Variants in CACNA1C observed in about 807,000 individuals in gnomAD.
The protein encoded by CACNA1C is voltage-dependent L-type calcium channel subunit alpha-1C.
Under a neutral mutation model 229.0 loss-of-function variants are expected in CACNA1C, and 30 were observed. The observed-to-expected ratio is 0.13, with a 90% CI of 0.10 to 0.18. CACNA1C has a LOEUF of 0.18. CACNA1C is among the 10% of genes least tolerant of loss of function. CACNA1C has a pLI of 1.00. For synonymous variants in CACNA1C, 1,114 were observed against 1,132.5 expected (o/e 0.98, Z 0.33); for missense variants, 1,658 against 2,845.0 (o/e 0.58, Z 9.49).
intron 7 of CACNA1C, among the ~76,000 whole-genome samples, chr12:2,495,858 C>T (rs1231355627): frequency 1.3e-5 from 2 of 152,244 alleles, no homozygotes; most frequent in African/African-American, 4.8e-5. Context: ...ACACCTAAAA[C>T]TGAAACTTGG....
intron 5 of CACNA1C, among the ~76,000 whole-genome samples, chr12:2,469,476 G>A (rs554734145): frequency 6.6e-6 from 1 of 152,346 alleles, no homozygotes; most frequent in Non-Finnish European, 1.5e-5. Flanking sequence ...CAGAGAAGAG[G>A]AGAGTAACGT....
At chr12:2,204,445 A>G (rs946024291) in intron 3 of CACNA1C, among the ~76,000 whole-genome samples, 8 of 151,650 alleles carry the variant, frequency 5.3e-5, no homozygotes, top group Admixed American at 3.9e-4. Context: ...ATTACTGGAT[A>G]TATACCCAAA....
In CACNA1C at chr12:2,213,247, G is replaced by A. The variant is rs545116433; in HGVS notation, c.477+92817G>A. On this transcript the variant is annotated intron_variant, in intron 3 of 46. Transcript: ENST00000399655. Reference sequence around the variant, plus strand: ...GAACTGAGGTTAACGCTTCAGGTCAGCTACTTCCTAAGGGAAGGAAAAATC... The same window carrying A: ...GAACTGAGGTTAACGCTTCAGGTCAACTACTTCCTAAGGGAAGGAAAAATC... Among the ~76,000 whole-genome samples, 41 of 152,196 alleles carry A rather than the reference G, an allele frequency of 2.7e-4. 1 individual carries two copies. The highest frequency in any genetic ancestry group is 5.7e-4 in the Non-Finnish European group (39 of 68,032).
intron 3 of CACNA1C, among the ~76,000 whole-genome samples, chr12:2,129,851 C>A (rs186184467): frequency 6.6e-6 from 1 of 152,132 alleles, no homozygotes; most frequent in Admixed American, 6.5e-5. Flanking sequence ...TTTGCTCCCC[C>A]CTCTCTCCTG....
intron 29 of CACNA1C, among the ~76,000 whole-genome samples, chr12:2,623,366 T>C (rs556003627): frequency 5.2e-4 from 79 of 152,152 alleles, no homozygotes; most frequent in African/African-American, 1.9e-3. Context: ...TGGTTCCCCA[T>C]TGTCCACAGA....
chr12:2,101,095 A>G (rs1015348515), intron 1 of CACNA1C, among the ~76,000 whole-genome samples: 1 of 152,152 alleles, frequency 6.6e-6, no homozygotes, highest in Non-Finnish European at 1.5e-5. Context: ...GACTGTGGAA[A>G]CAATTTCTGT....
At chr12:2,158,849 G>A (rs769861784) in intron 3 of CACNA1C, among the ~76,000 whole-genome samples, 13 of 152,184 alleles carry the variant, frequency 8.5e-5, no homozygotes, top group South Asian at 2.1e-4. Flanking sequence ...ATAGGATCCC[G>A]GAAATGGGGG....
chr12:2,293,144 G>A (rs1478813804), intron 3 of CACNA1C, among the ~76,000 whole-genome samples: 2 of 152,188 alleles, frequency 1.3e-5, no homozygotes, highest in Non-Finnish European at 2.9e-5. Flanking sequence ...AGGGAAAGGA[G>A]CAGAAGGTGA....
intron 3 of CACNA1C, among the ~76,000 whole-genome samples, chr12:2,126,042 C>T: frequency 6.6e-6 from 1 of 152,254 alleles, no homozygotes; most frequent in Admixed American, 6.5e-5. Context: ...CTGTCGCAGG[C>T]CCTTTCCTTT....
At chr12:2,524,062 A>T (rs2099814522) in intron 9 of CACNA1C, among the ~76,000 whole-genome samples, 1 of 152,222 alleles carries the variant, frequency 6.6e-6, no homozygotes, top group African/African-American at 2.4e-5. Flanking sequence ...GAGATTAGCC[A>T]CGTATTGTAT....
intron 3 of CACNA1C, among the ~76,000 whole-genome samples, chr12:2,291,370 T>A (rs1312310670): frequency 6.6e-6 from 1 of 152,120 alleles, no homozygotes; most frequent in Non-Finnish European, 1.5e-5. Context: ...CGCCGCAGAA[T>A]TTGCCTGCAC....
chr12:2,359,010 C>A (rs2097476996), intron 3 of CACNA1C, among the ~76,000 whole-genome samples: 1 of 152,204 alleles, frequency 6.6e-6, no homozygotes, highest in Non-Finnish European at 1.5e-5. Context: ...CTTGGTCTTA[C>A]TTCCCTTCTT....
At chr12:2,229,231 C>T (rs1352044614) in intron 3 of CACNA1C, among the ~76,000 whole-genome samples, 1 of 152,132 alleles carries the variant, frequency 6.6e-6, no homozygotes, top group Non-Finnish European at 1.5e-5. Flanking sequence ...CCATTTTTAC[C>T]TCGGCCTCAT....
chr12:2,179,540 A>G (rs538461325), intron 3 of CACNA1C, among the ~76,000 whole-genome samples: 1 of 152,324 alleles, frequency 6.6e-6, no homozygotes, highest in South Asian at 2.1e-4. Flanking sequence ...GGCTCTGAAT[A>G]CTGAACATTG....
At position 2,108,326 on chromosome 12, in the gene CACNA1C, C is replaced by T. The variant is rs2080077745; in HGVS notation, c.50-6898C>T. Among the ~76,000 whole-genome samples, 1 of 152,198 alleles carries T rather than the reference C, an allele frequency of 6.6e-6. No individual in the cohort carries two copies. Among genetic ancestry groups the T allele is most frequent in the African/African-American group, 2.4e-5 (1 of 41,436 alleles). On this transcript the variant is annotated intron_variant, in intron 1 of 46. Coordinates refer to ENST00000399655, the MANE Select transcript of CACNA1C (RefSeq NM_000719.7). The surrounding 1 kb of genome is among the most constrained non-coding windows in gnomAD (Gnocchi z 5.3). ...CTGCAGAACAGGCCCCCCGAGGGAACTGCGGTTCGGGTACAATTATGAGGC... is the reference window on the plus strand; with the variant it reads ...CTGCAGAACAGGCCCCCCGAGGGAATTGCGGTTCGGGTACAATTATGAGGC...
In CACNA1C at chr12:2,601,318, T is replaced by C. The variant is rs74053876; in HGVS notation, c.2854-536T>C. On this transcript the variant is annotated intron_variant, in intron 21 of 46. Transcript: ENST00000399655. This position sits in a 1 kb window ranked among gnomAD's most constrained non-coding sequence, Gnocchi z 5.9. Reference sequence around the variant, plus strand: ...CCTAAGACTGAGGAGTTTTCTGGGATGCAGGATTTCTGATGATAAAGCAAA... The same window carrying C: ...CCTAAGACTGAGGAGTTTTCTGGGACGCAGGATTTCTGATGATAAAGCAAA... Among the ~76,000 whole-genome samples the C allele has an allele frequency of 2.0e-5, 3 of 152,162 alleles. No individual in the cohort carries two copies. The highest frequency in any genetic ancestry group is 4.4e-5 in the Non-Finnish European group (3 of 68,020).
upstream of CACNA1C, among the ~76,000 whole-genome samples, chr12:2,051,640 A>T (rs537704363): frequency 6.6e-6 from 1 of 152,290 alleles, no homozygotes; most frequent in South Asian, 2.1e-4. Flanking sequence ...GGTCAACAGG[A>T]TCTCCTGATG....
At chr12:2,439,657 A>G (rs1204456591) in intron 3 of CACNA1C, among the ~76,000 whole-genome samples, 1 of 152,126 alleles carries the variant, frequency 6.6e-6, no homozygotes, top group Non-Finnish European at 1.5e-5. Context: ...TAGGCAACTA[A>G]GCCATTTCAA....
At chr12:2,063,412 G>C (rs1367219555) in intron 1 of CACNA1C, among the ~76,000 whole-genome samples, 2 of 152,310 alleles carry the variant, frequency 1.3e-5, no homozygotes, top group South Asian at 2.1e-4. Context: ...GCCTCCCAAA[G>C]TGCTGGGATT....
Sources: gnomAD v4.1 joint callset for allele counts (sites outside exome capture counted in the v4.1 genomes callset) on GRCh38, gnomAD v4.1.1 for gene constraint, Gnocchi (gnomAD v3.1) non-coding constraint, MANE v1.5 for transcripts, NCBI Gene and HGNC (gene_info 2026-07-23, HGNC 2026-07-21) for gene names.